ANKS1B: variants seen among roughly 807,000 people sequenced by gnomAD.
ANKS1B encodes ankyrin repeat and sterile alpha motif domain containing 1B.
ANKS1B carries 36 observed loss-of-function variants against 148.3 expected under a neutral mutation model. The ratio of observed to expected loss-of-function variants is 0.24; its 90% confidence interval spans 0.19 to 0.32. The LOEUF (loss-of-function observed/expected upper bound fraction) is 0.32, where lower values mean the gene tolerates loss of function less well. Ranked by LOEUF, ANKS1B falls within the 10% of genes least tolerant of loss-of-function variation. ANKS1B has a pLI of 1.00. For missense variants in ANKS1B, 1,157 were observed against 1,542.6 expected, an observed-to-expected ratio of 0.75 and a Z score of 4.19; for synonymous variants, 542 against 560.8, an observed-to-expected ratio of 0.97 and a Z score of 0.47.
chr12:99,980,234 T>C (rs940723980), intron 1 of ANKS1B, among the ~76,000 whole-genome samples: 1 of 151,986 alleles, frequency 6.6e-6, no homozygotes, highest in African/African-American at 2.4e-5. Flanking sequence ...CCAGAAAATC[T>C]TGACCTGTAG....
At chr12:99,179,478 A>G (rs1201511454) in intron 14 of ANKS1B, among the ~76,000 whole-genome samples, 2 of 152,016 alleles carry the variant, frequency 1.3e-5, no homozygotes, top group African/African-American at 4.8e-5. Context: ...TTTAAGGAAT[A>G]AACTGAAAAG....
intron 12 of ANKS1B, among the ~76,000 whole-genome samples, chr12:99,372,565 C>A (rs2093195730): frequency 6.6e-6 from 1 of 151,868 alleles, no homozygotes. Flanking sequence ...ATATGTTTTC[C>A]ATCCTCATTT....
At chr12:98,781,303 A>C in intron 23 of ANKS1B, 100 bp from the exon 24 acceptor site, 1 of 697,608 alleles carries the variant, frequency 1.4e-6, no homozygotes, top group Non-Finnish European at 2.6e-6. Flanking sequence ...CTCAAATTAA[A>C]AACAACAACA....
chr12:99,188,789 G>A (rs1256304462), intron 14 of ANKS1B, among the ~76,000 whole-genome samples: 1 of 152,128 alleles, frequency 6.6e-6, no homozygotes, highest in Non-Finnish European at 1.5e-5. Flanking sequence ...AAAAGAACTA[G>A]AGAAGCAAGA....
At chr12:99,481,259 A>G (rs1272542173) in intron 10 of ANKS1B, among the ~76,000 whole-genome samples, 1 of 151,754 alleles carries the variant, frequency 6.6e-6, no homozygotes, top group African/African-American at 2.4e-5. Context: ...CCTCCCATTT[A>G]TAACTGAGAA....
chr12:98,971,588 T>C (rs746726034), intron 17 of ANKS1B, among the ~76,000 whole-genome samples: 4 of 152,210 alleles, frequency 2.6e-5, no homozygotes, highest in Non-Finnish European at 5.9e-5. Flanking sequence ...TCTTATGACA[T>C]GGTACGGATA....
At chr12:98,761,592 T>C (rs1337443024) in intron 25 of ANKS1B, among the ~76,000 whole-genome samples, 1 of 152,176 alleles carries the variant, frequency 6.6e-6, no homozygotes, top group Non-Finnish European at 1.5e-5. Flanking sequence ...TTTCCCTAAT[T>C]CAGATTTGTG....
intron 8 of ANKS1B, among the ~76,000 whole-genome samples, chr12:99,691,867 A>G (rs2153504532): frequency 6.6e-6 from 1 of 152,332 alleles, no homozygotes; most frequent in East Asian, 1.9e-4. Context: ...CTGAGATAAC[A>G]AATGGGTGTT....
intron 8 of ANKS1B, among the ~76,000 whole-genome samples, chr12:99,718,166 C>T (rs1214242682): frequency 5.9e-5 from 9 of 152,108 alleles, no homozygotes; most frequent in African/African-American, 2.2e-4. Context: ...TCCCAAAGTG[C>T]TGGGATTACA....
At chr12:99,618,698 G>A (rs2153367229) in intron 9 of ANKS1B, among the ~76,000 whole-genome samples, 1 of 152,142 alleles carries the variant, frequency 6.6e-6, no homozygotes, top group Non-Finnish European at 1.5e-5. Context: ...AATAACTTGG[G>A]AAGGGGCTTA....
intron 9 of ANKS1B, among the ~76,000 whole-genome samples, chr12:99,637,878 A>AAG (rs1341233203): frequency 6.6e-6 from 1 of 150,860 alleles, no homozygotes; most frequent in South Asian, 2.1e-4. Flanking sequence ...GAGAGAAAAA[A>AAG]AGAGAGAGAG....
intron 14 of ANKS1B, among the ~76,000 whole-genome samples, chr12:99,169,760 T>C (rs186992477): frequency 1.2e-3 from 177 of 152,360 alleles, no homozygotes; most frequent in Admixed American, 5.2e-3. Context: ...ACTATTGTTA[T>C]CATCTCCTTT....
intron 14 of ANKS1B, among the ~76,000 whole-genome samples, chr12:99,186,777 G>A (rs1188229512): frequency 1.3e-5 from 2 of 152,104 alleles, no homozygotes; most frequent in African/African-American, 4.8e-5. Context: ...AGATACCACT[G>A]CAAAAAGGCT....
intron 12 of ANKS1B, among the ~76,000 whole-genome samples, chr12:99,385,834 T>C (rs1041908200): frequency 2.0e-5 from 3 of 152,228 alleles, no homozygotes; most frequent in Non-Finnish European, 4.4e-5. Context: ...TTTTTACTTA[T>C]TACTAAGATC....
At chr12:99,976,593 T>C (rs771734305) in intron 1 of ANKS1B, among the ~76,000 whole-genome samples, 3 of 152,190 alleles carry the variant, frequency 2.0e-5, no homozygotes, top group East Asian at 3.9e-4. Context: ...TCTAAGCAGT[T>C]TGTTTCAGTT....
At chr12:99,603,248 T>G (rs886640427) in intron 9 of ANKS1B, among the ~76,000 whole-genome samples, 3 of 152,122 alleles carry the variant, frequency 2.0e-5, no homozygotes, top group Non-Finnish European at 4.4e-5. Context: ...AATCTCAGAT[T>G]AGACTTTTAA....
chr12:99,395,213 C>T (rs2094205641), intron 12 of ANKS1B, among the ~76,000 whole-genome samples: 1 of 152,144 alleles, frequency 6.6e-6, no homozygotes, highest in Non-Finnish European at 1.5e-5. Flanking sequence ...CTCTCCCCAT[C>T]CATGATCGAC....
chr12:99,126,932 G>GT (rs1416835968), intron 15 of ANKS1B, among the ~76,000 whole-genome samples: 4 of 151,772 alleles, frequency 2.6e-5, no homozygotes, highest in Non-Finnish European at 5.9e-5. Context: ...TAACATTTTG[G>GT]AAAAAATGGA....
At chr12:99,432,850 G>A (rs2095399984) in intron 11 of ANKS1B, among the ~76,000 whole-genome samples, 1 of 152,140 alleles carries the variant, frequency 6.6e-6, no homozygotes, top group Non-Finnish European at 1.5e-5. Context: ...AAGATGACAT[G>A]GCTAGTGTAA....
Sources: allele counts gnomAD v4.1 joint callset (sites outside exome capture counted in the v4.1 genomes callset), GRCh38; gene constraint gnomAD v4.1.1; transcripts MANE v1.5; gene names NCBI Gene and HGNC (gene_info 2026-07-23, HGNC 2026-07-21).